Variants in AFF3 observed in about 807,000 individuals in gnomAD.
AFF3 encodes the protein ALF transcription elongation factor 3, also known as AF4/FMR2 family member 3.
A neutral mutation model predicts 129.7 loss-of-function variants in AFF3; 32 were observed. The ratio of observed to expected loss-of-function variants is 0.25; its 90% CI spans 0.19 to 0.33. AFF3 has a LOEUF of 0.33. Among genes scored for constraint, AFF3 ranks in the 10% least tolerant of loss-of-function variants. The pLI, the probability that AFF3 is intolerant of heterozygous loss-of-function variation, is 1.00. For missense variants in AFF3, 1,373 were observed against 1,592.0 expected (o/e 0.86, Z 2.34); for synonymous variants, 644 against 635.4 (o/e 1.01, Z -0.20).
intron 11 of AFF3, among the ~76,000 whole-genome samples, chr2:99,702,045 G>A (rs945913306): frequency 1.3e-5 from 2 of 152,154 alleles, no homozygotes; most frequent in Admixed American, 1.3e-4. Flanking sequence ...GGTAGTTTCT[G>A]GTTCTTGGCT....
chr2:99,905,516 T>C (rs868217048), intron 7 of AFF3, among the ~76,000 whole-genome samples: 2 of 152,214 alleles, frequency 1.3e-5, no homozygotes, highest in African/African-American at 4.8e-5. Context: ...TGCTGGTTAT[T>C]GTAAAATGCC....
chr2:99,772,405 T>C (rs1683565281), intron 8 of AFF3, among the ~76,000 whole-genome samples: 1 of 152,212 alleles, frequency 6.6e-6, no homozygotes, highest in African/African-American at 2.4e-5. Flanking sequence ...AGGAACAATG[T>C]ACACACAAAT....
At chr2:99,985,715 T>C (rs1024496713) in intron 7 of AFF3, among the ~76,000 whole-genome samples, 5 of 152,118 alleles carry the variant, frequency 3.3e-5, no homozygotes, top group African/African-American at 1.2e-4. Context: ...GAAGTCAGGA[T>C]AGTGGCCACC....
chr2:99,997,229 C>T (rs1680927635), intron 7 of AFF3, among the ~76,000 whole-genome samples: 1 of 152,212 alleles, frequency 6.6e-6, no homozygotes. Context: ...TAAGAGACAA[C>T]TCAAACTCAA....
Position 99,977,619 on chromosome 2 carries a change from C to T in AFF3, c.873+29013G>A, listed in dbSNP as rs527886592. ...GTCTCTAAGATTGGACCAGTCTTTG[C>T]TTTTCTTTTTGCTGGACAACCTTGT... is the stretch of plus-strand genomic sequence containing the variant. On this transcript the variant is annotated intron_variant, in intron 7 of 24. Transcript: ENST00000672756. Among the ~76,000 whole-genome samples the T allele has an allele frequency of 7.9e-5, 12 of 152,320 alleles. No individual in the cohort carries two copies. The South Asian group carries it at 2.5e-3, about 32-fold the overall frequency.
chr2:100,010,614 T>C (rs1055437691), intron 4 of AFF3, among the ~76,000 whole-genome samples: 1 of 152,208 alleles, frequency 6.6e-6, no homozygotes, highest in Non-Finnish European at 1.5e-5. Context: ...CTGCAGCCTC[T>C]AGAATCTTCT....
Position 99,895,961 on chromosome 2 carries a change from T to C in AFF3, c.874-58437A>G, listed in dbSNP as rs564650642. On this transcript the variant is annotated intron_variant, in intron 7 of 24. Transcript: ENST00000672756. Reference sequence around the variant, plus strand: ...GCACACGCCTGTAGTCCCAGCTACTTGGGAGGCTAAGGCAGGAGAATTGCT... The same window carrying C: ...GCACACGCCTGTAGTCCCAGCTACTCGGGAGGCTAAGGCAGGAGAATTGCT... Among the ~76,000 whole-genome samples, 225 of 148,890 alleles carry C rather than the reference T, an allele frequency of 1.5e-3. 1 individual carries two copies. Among genetic ancestry groups the C allele is most frequent in the Middle Eastern group, 7.3e-3 (2 of 274 alleles).
At chr2:99,555,167 C>T (rs1341197816) in intron 22 of AFF3, among the ~76,000 whole-genome samples, 3 of 152,150 alleles carry the variant, frequency 2.0e-5, no homozygotes, top group Non-Finnish European at 4.4e-5. Flanking sequence ...TTAGGTACCA[C>T]ATTAAGTCAT....
intron 8 of AFF3, among the ~76,000 whole-genome samples, chr2:99,803,621 C>A (rs1190811979): frequency 2.0e-5 from 3 of 151,888 alleles, no homozygotes; most frequent in Non-Finnish European, 2.9e-5. Flanking sequence ...GCTGAAGAGC[C>A]AAAGCAATCC....
At chr2:99,832,046 T>G (rs1310335886) in intron 8 of AFF3, among the ~76,000 whole-genome samples, 2 of 152,228 alleles carry the variant, frequency 1.3e-5, no homozygotes, top group Non-Finnish European at 2.9e-5. Context: ...AGTCCTCTAG[T>G]GTAGTGCTGA....
intron 10 of AFF3, among the ~76,000 whole-genome samples, chr2:99,737,914 T>C (rs1439992513): frequency 6.6e-6 from 1 of 152,070 alleles, no homozygotes; most frequent in Non-Finnish European, 1.5e-5. Context: ...TTCTCAGCTA[T>C]GTCTAATGTG....
chr2:99,599,753 G>A (rs1018882371), intron 14 of AFF3, among the ~76,000 whole-genome samples: 6 of 152,172 alleles, frequency 3.9e-5, no homozygotes, highest in African/African-American at 7.2e-5. Context: ...TCCCTGGGAC[G>A]CAGTTATTTC....
chr2:99,981,630 T>C (rs1679414892), intron 7 of AFF3, among the ~76,000 whole-genome samples: 1 of 152,242 alleles, frequency 6.6e-6, no homozygotes, highest in East Asian at 1.9e-4. Context: ...CTACATGTTT[T>C]TGAATATCTG....
intron 3 of AFF3, chr2:100,105,276 C>A: frequency 8.5e-7 from 1 of 1,174,460 alleles, no homozygotes; most frequent in Non-Finnish European, 1.1e-6. Context: ...GGGAATTCCC[C>A]GGCCGCCCAG....
intron 11 of AFF3, among the ~76,000 whole-genome samples, chr2:99,696,818 AT>A (rs540219764): frequency 2.0e-5 from 3 of 151,888 alleles, no homozygotes; most frequent in African/African-American, 4.8e-5. Context: ...TAATTTTAAA[AT>A]TTTTTTTGTA....
chr2:99,857,304 T>C lies in AFF3; in HGVS notation c.874-19780A>G, dbSNP rs1050115491. 2.0e-5 allele frequency among the ~76,000 whole-genome samples: 3 copies of C among 152,204 alleles called. No homozygotes were observed. The East Asian group carries it at 5.8e-4, about 29-fold the overall frequency. On this transcript the variant is annotated intron_variant, in intron 7 of 24. Transcript: ENST00000672756. The stretch of plus-strand genomic sequence containing the variant: ...AGAACATAATCCTGCACCCTACTTA[T>C]TTGCATTAATTGTGATCAATTGTCA...
At chr2:100,017,939 A>T (rs1173277176) in intron 4 of AFF3, among the ~76,000 whole-genome samples, 4 of 152,134 alleles carry the variant, frequency 2.6e-5, no homozygotes, top group Non-Finnish European at 4.4e-5. Context: ...ATGCTAGGCA[A>T]AAGGGTATTA....
chr2:99,665,992 G>C (rs1686641018), intron 12 of AFF3, among the ~76,000 whole-genome samples: 1 of 152,130 alleles, frequency 6.6e-6, no homozygotes, highest in South Asian at 2.1e-4. Context: ...AAAGAGATGG[G>C]GTCATAATGA....
At chr2:99,578,250 G>A in intron 18 of AFF3, 77 bp downstream of exon 18, 1 of 1,476,404 alleles carries the variant, frequency 6.8e-7, no homozygotes, top group South Asian at 1.5e-5. Context: ...GCCACACCAA[G>A]GTGCCCATGC....
Sources: gnomAD v4.1 joint callset for allele counts (sites outside exome capture counted in the v4.1 genomes callset) on GRCh38, gnomAD v4.1.1 for gene constraint, MANE v1.5 for transcripts, NCBI Gene and HGNC (gene_info 2026-07-23, HGNC 2026-07-21) for gene names.